Variants in SNX8 observed in about 807,000 individuals in gnomAD.
SNX8 encodes the protein sorting nexin-8.
SNX8 carries 25 observed loss-of-function variants against 51.6 expected under a neutral mutation model. That is an observed-to-expected ratio of 0.48 (90% CI 0.35 to 0.68). SNX8 has a LOEUF of 0.68. Among genes scored for constraint, SNX8 ranks in the 30% least tolerant of loss-of-function variants. The pLI is 0.00. For missense variants in SNX8, 695 were observed against 624.0 expected, an observed-to-expected ratio of 1.11 and a Z score of -1.21; for synonymous variants, 324 against 277.0, an observed-to-expected ratio of 1.17 and a Z score of -1.68.
chr7:2,298,220 T>A (rs1051655562), intron 1 of SNX8, among the ~76,000 whole-genome samples: 23 of 152,050 alleles, frequency 1.5e-4, no homozygotes, highest in Admixed American at 1.4e-3. Flanking sequence ...CAGGCTCTAG[T>A]GATCTTCCTG....
intron 1 of SNX8, among the ~76,000 whole-genome samples, chr7:2,289,265 C>A (rs1039101281): frequency 2.0e-5 from 3 of 152,156 alleles, no homozygotes; most frequent in Non-Finnish European, 4.4e-5. Context: ...CTGTTACGAA[C>A]ATTCCAGCAC....
chr7:2,318,699 A>G (rs1275868112), upstream of SNX8, among the ~76,000 whole-genome samples: 1 of 151,828 alleles, frequency 6.6e-6, no homozygotes, highest in South Asian at 2.1e-4. Flanking sequence ...TTGTCTCAAA[A>G]AAAAAAAAAA....
At chr7:2,272,303 C>T (rs1412283979) in intron 3 of SNX8, among the ~76,000 whole-genome samples, 1 of 152,190 alleles carries the variant, frequency 6.6e-6, no homozygotes, top group Non-Finnish European at 1.5e-5. Context: ...TCCATAATCC[C>T]CTCCTGGCAC....
chr7:2,272,933 A>C (rs4721534), intron 3 of SNX8, among the ~76,000 whole-genome samples: 1 of 151,770 alleles, frequency 6.6e-6, no homozygotes, highest in Non-Finnish European at 1.5e-5. Context: ...TCCCAGGTTC[A>C]AGCGATTCTC....
intron 2 of SNX8, among the ~76,000 whole-genome samples, chr7:2,275,693 C>T (rs1795761806): frequency 6.6e-6 from 1 of 151,764 alleles, no homozygotes; most frequent in Non-Finnish European, 1.5e-5. Flanking sequence ...CAAAGCGAGA[C>T]CTTGTCTTAA....
chr7:2,268,379 G>A (rs1230683505), intron 5 of SNX8, among the ~76,000 whole-genome samples: 18 of 140,336 alleles, frequency 1.3e-4, no homozygotes, highest in Non-Finnish European at 3.1e-5. Flanking sequence ...GAGCCTCTCC[G>A]CCCGGCAGCC....
intron 8 of SNX8, 68 bp from the exon 9 acceptor site, chr7:2,257,582 G>A (rs778935411): frequency 2.0e-5 from 31 of 1,586,166 alleles, no homozygotes; most frequent in East Asian, 4.5e-5. Context: ...GGAGCCGGCC[G>A]AGGGAAGCAC....
At chr7:2,325,102 G>A (rs1056908511) in intron 1 of SNX8, among the ~76,000 whole-genome samples, 1 of 152,200 alleles carries the variant, frequency 6.6e-6, no homozygotes, top group South Asian at 2.1e-4. Context: ...AAAGTGCCAG[G>A]ATTACAGGCA....
chr7:2,318,025 C>T (rs1205530527), upstream of SNX8, among the ~76,000 whole-genome samples: 4 of 152,148 alleles, frequency 2.6e-5, no homozygotes, highest in African/African-American at 7.2e-5. Flanking sequence ...GCCACGCACA[C>T]ATATATACTC....
At chr7:2,322,838 G>T (rs138345029) in intron 1 of SNX8, among the ~76,000 whole-genome samples, 2,168 of 149,268 alleles carry the variant, frequency 0.015, 54 homozygotes, top group African/African-American at 0.05. Context: ...GCAACATGGT[G>T]AAACCCTGTC....
At chr7:2,268,003 G>C (rs1464626372) in intron 5 of SNX8, among the ~76,000 whole-genome samples, 1 of 143,616 alleles carries the variant, frequency 7.0e-6, no homozygotes. Context: ...GCCCGGCCGA[G>C]ACCCCGTCTG....
chr7:2,302,660 C>A (rs991320014), intron 1 of SNX8, among the ~76,000 whole-genome samples: 5 of 151,768 alleles, frequency 3.3e-5, no homozygotes, highest in African/African-American at 1.2e-4. Context: ...AAGTGAGGAG[C>A]ACCTCTTCCC....
intron 1 of SNX8, among the ~76,000 whole-genome samples, chr7:2,296,974 A>G (rs772485548): frequency 4.6e-5 from 7 of 151,982 alleles, no homozygotes; most frequent in Admixed American, 1.3e-4. Flanking sequence ...AATATATGCA[A>G]AATGCTCAAA....
chr7:2,343,492 G>C (rs1044443692), intron 1 of SNX8, among the ~76,000 whole-genome samples: 2 of 151,660 alleles, frequency 1.3e-5, no homozygotes, highest in South Asian at 4.2e-4. Flanking sequence ...TGGCTAACAC[G>C]GTGAAACCCC....
intron 6 of SNX8, among the ~76,000 whole-genome samples, chr7:2,263,965 C>T (rs775912820): frequency 2.0e-5 from 3 of 152,112 alleles, no homozygotes; most frequent in South Asian, 2.1e-4. Context: ...CCACCCACCT[C>T]GGCCTCCCAA....
At chr7:2,265,736 C>T (rs148400229) in intron 5 of SNX8, among the ~76,000 whole-genome samples, 1,603 of 152,334 alleles carry the variant, frequency 0.011, 23 homozygotes, top group Non-Finnish European at 0.018. Context: ...TTCTATGCCG[C>T]GTTTATTCCC....
At chr7:2,256,815 G>T in intron 10 of SNX8, 59 bp downstream of exon 10, 1 of 1,550,628 alleles carries the variant, frequency 6.4e-7, no homozygotes, top group South Asian at 1.2e-5. Context: ...CTTGAAGGAA[G>T]GGCGGAGGGA....
At chr7:2,310,650 C>A (rs191307963) in intron 1 of SNX8, among the ~76,000 whole-genome samples, 1 of 152,110 alleles carries the variant, frequency 6.6e-6, no homozygotes, top group Non-Finnish European at 1.5e-5. Flanking sequence ...ACCTGTAGTC[C>A]CAGCTACTCA....
chr7:2,314,183 G>A (rs1238021962), intron 1 of SNX8, 145 bp downstream of exon 1: 13 of 887,316 alleles, frequency 1.5e-5, no homozygotes, highest in Middle Eastern at 4.1e-4. Context: ...GGGGACCTCC[G>A]AGGGACTGGG....
Sources: allele counts gnomAD v4.1 joint callset (sites outside exome capture counted in the v4.1 genomes callset), GRCh38; gene constraint gnomAD v4.1.1; transcripts MANE v1.5; gene names NCBI Gene and HGNC (gene_info 2026-07-23, HGNC 2026-07-21).